The following CASQ1 variants were observed in gnomAD, a reference collection of about 807,000 sequenced individuals.
CASQ1 encodes calsequestrin 1, also known as calsequestrin-1.
A neutral mutation model predicts 49.5 loss-of-function variants in CASQ1; 40 were observed. The observed-to-expected ratio is 0.81, with a 90% CI of 0.63 to 1.05. The LOEUF (loss-of-function observed/expected upper bound fraction) is 1.05, where lower values mean the gene tolerates loss of function less well. CASQ1 is among the 50% of genes least tolerant of loss of function. The pLI is 0.00. For missense variants in CASQ1, 469 were observed against 486.9 expected (o/e 0.96, Z 0.35); for synonymous variants, 174 against 187.2 (o/e 0.93, Z 0.58).
chr1:160,197,943 C>T (rs1654281932), intron 7 of CASQ1, among the ~76,000 whole-genome samples: 1 of 151,938 alleles, frequency 6.6e-6, no homozygotes, highest in African/African-American at 2.4e-5. Context: ...GGCTTGAACC[C>T]AGGAGGCGGA....
chr1:160,198,960 C>T lies in CASQ1; in HGVS notation c.891C>T (p.Phe297=), dbSNP rs140980273. The T allele has an allele frequency of 2.4e-5, 39 of 1,606,368 alleles. No individual in the cohort carries two copies. The highest frequency in any genetic ancestry group is 1.3e-4 in the African/African-American group (10 of 74,752). Reference sequence around the variant, plus strand: ...ACTTGTGTTCCCTCCAAGATGGTTTCGAGTTCTTAGAGACTCTCAAGGCTG... The same window carrying T: ...ACTTGTGTTCCCTCCAAGATGGTTTTGAGTTCTTAGAGACTCTCAAGGCTG... ...AFAEEADPDG[F]EFLETLKAVA... is the part of the protein sequence containing the mutation. Residue 297 remains phenylalanine (F), a synonymous_variant, in exon 9 of 11, where the codon TTC becomes TTT. Coordinates refer to ENST00000368078, the MANE Select transcript of CASQ1 (RefSeq NM_001231.5).
chr1:160,201,486 A>T lies in CASQ1; in HGVS notation c.*110A>T. ...GAGACTAGGTTATTCTCTGCCATAG[A>T]GCTAACTGGGGTCTATATGCTGGGT... is the stretch of plus-strand genomic sequence containing the variant. On this transcript the variant is annotated 3_prime_UTR_variant, in exon 11 of 11. Transcript: ENST00000368078. 1 of 1,201,634 alleles carries T rather than the reference A, an allele frequency of 8.3e-7. No homozygotes were observed. The highest frequency in any genetic ancestry group is 1.2e-6 in the Non-Finnish European group (1 of 843,786). The allele number at this position is 1,201,634 out of a possible 1,614,324, so 74.4% of individuals were successfully genotyped here. A position where few individuals can be genotyped will look rare whatever the true frequency, so the allele number is the denominator to read the frequency against.
At chr1:160,192,716 A>G (rs1001971577) in intron 1 of CASQ1, 86 bp from the exon 2 acceptor site, 1 of 1,184,198 alleles carries the variant, frequency 8.4e-7, no homozygotes, top group African/African-American at 1.5e-5. Flanking sequence ...CCGCACCTCA[A>G]CTGACCCAAC....
At chr1:160,197,285 G>A (rs189632970) in intron 6 of CASQ1, among the ~76,000 whole-genome samples, 209 of 152,356 alleles carry the variant, frequency 1.4e-3, no homozygotes, top group African/African-American at 4.8e-3. Context: ...TAGTGAGTGA[G>A]TGAATGAATG....
At position 160,199,884 on chromosome 1, in the gene CASQ1, G is replaced by A. The variant is rs749145120; in HGVS notation, c.1018G>A (p.Asp340Asn). The A allele has an allele frequency of 2.4e-5, 39 of 1,613,486 alleles. No homozygotes were observed. The highest frequency in any genetic ancestry group is 1.3e-4 in the Admixed American group (8 of 59,996). ...ATACTGGGAGAAGACGTTTGACATC[G>A]ACTTGTCAGCCCCACAAATAGGAGT... is the stretch of plus-strand genomic sequence containing the variant. ...VPYWEKTFDIDLSAPQIGVVN... is the reference protein window; with the variant it reads ...VPYWEKTFDINLSAPQIGVVN... Residue 340 changes from aspartate (D) to asparagine (N), a missense_variant, in exon 10 of 11, where the codon GAC becomes AAC. Transcript: ENST00000368078.
chr1:160,199,758 C>A, intron 9 of CASQ1, 93 bp from the exon 10 acceptor site: 1 of 851,054 alleles, frequency 1.2e-6, no homozygotes, highest in Non-Finnish European at 2.0e-6. Flanking sequence ...GCACTGTCCC[C>A]TCTCCATCCC....
chr1:160,201,600 T>G lies in CASQ1; in HGVS notation c.*224T>G. ...AGCTCTCTCTTATCTGACTTCTGTT[T>G]CTTATCCCATAACTTACTTGTATCT... On this transcript the variant is annotated 3_prime_UTR_variant, in exon 11 of 11. Coordinates refer to ENST00000368078, the MANE Select transcript of CASQ1 (RefSeq NM_001231.5). 1.7e-6 allele frequency: 1 copy of G among 584,274 alleles called. No individual in the cohort carries two copies. The highest frequency in any genetic ancestry group is 3.1e-6 in the Non-Finnish European group (1 of 326,798). 36.2% of individuals were successfully genotyped at this position (584,274 alleles called of 1,614,324 possible). A position where few individuals can be genotyped will look rare whatever the true frequency, so the allele number is the denominator to read the frequency against.
At chr1:160,192,593 G>A (rs576180479) in intron 1 of CASQ1, 1 of 569,492 alleles carries the variant, frequency 1.8e-6, no homozygotes, top group Non-Finnish European at 3.2e-6. Context: ...CATTGCAAAT[G>A]AGCAATCAAT....
chr1:160,195,973 C>T lies in CASQ1; in HGVS notation c.728C>T (p.Pro243Leu), dbSNP rs952529350. ...TTCATGGAAGAGCCTGTGACCATCCCAGACAAGCCCAATAGCGAAGAGGAG... is the reference window on the plus strand; with the variant it reads ...TTCATGGAAGAGCCTGTGACCATCCTAGACAAGCCCAATAGCGAAGAGGAG... ...EAFMEEPVTIPDKPNSEEEIV... is the reference protein window; with the variant it reads ...EAFMEEPVTILDKPNSEEEIV... The change falls in exon 6 of 11, where the codon CCA becomes CTA. Residue 243 changes from proline (P) to leucine (L), a missense_variant. Pro to Leu is a moderately conservative substitution (Grantham distance 98). Coordinates refer to ENST00000368078, the MANE Select transcript of CASQ1 (RefSeq NM_001231.5). The T allele has an allele frequency of 1.9e-6, 3 of 1,613,954 alleles. No individual in the cohort carries two copies. In the African/African-American group the frequency reaches 4.0e-5, roughly 22 times the overall value.
In CASQ1 at chr1:160,193,803, G is replaced by A. The variant is rs138808242; in HGVS notation, c.421G>A (p.Asp141Asn). 4 of 1,613,100 alleles carry A rather than the reference G, an allele frequency of 2.5e-6. No homozygotes were observed. Among genetic ancestry groups the A allele is most frequent in the Non-Finnish European group, 3.4e-6 (4 of 1,179,372 alleles). ...CAAGGGAGATGAAGTCATTGAGTAC[G>A]ATGGCGAGTTTTCTGCTGACACCAT... The part of the protein sequence containing the change: ...VFKGDEVIEY[D>N]GEFSADTIVE... Residue 141 changes from aspartate to asparagine, a missense_variant, in exon 3 of 11, where the codon GAT becomes AAT. Coordinates refer to ENST00000368078, the MANE Select transcript of CASQ1 (RefSeq NM_001231.5).
Position 160,192,860 on chromosome 1 carries a change from A to G in CASQ1, c.338A>G (p.Lys113Arg), listed in dbSNP as rs2101671643. The change falls in exon 2 of 11, where the codon AAG (lysine) becomes AGG (arginine). Residue 113 changes from lysine (K) to arginine (R), a missense_variant. Transcript: ENST00000368078. ...GVGFGLVDSEKDAAVAKKLGL... is the reference protein window; with the variant it reads ...GVGFGLVDSERDAAVAKKLGL... ...GGCTTCGGGCTGGTAGACTCTGAGAAGGATGCAGCTGTGGCCAAGAAACTA... is the reference window on the plus strand; with the variant it reads ...GGCTTCGGGCTGGTAGACTCTGAGAGGGATGCAGCTGTGGCCAAGAAACTA... The G allele has an allele frequency of 6.2e-7, 1 of 1,613,204 alleles. No homozygotes were observed. Among genetic ancestry groups the G allele is most frequent in the Admixed American group, 1.7e-5 (1 of 59,972 alleles).
chr1:160,195,173 C>G, intron 4 of CASQ1, 50 bp downstream of exon 4: 1 of 1,155,364 alleles, frequency 8.7e-7, no homozygotes, highest in African/African-American at 1.5e-5. Flanking sequence ...CCCCATCTCA[C>G]CTGTCCTCCC....
At chr1:160,200,438 T>C (rs995534487) in intron 10 of CASQ1, among the ~76,000 whole-genome samples, 1 of 149,370 alleles carries the variant, frequency 6.7e-6, no homozygotes, top group Non-Finnish European at 1.5e-5. Context: ...TCTGATAAAC[T>C]TTATAATAAC....
chr1:160,197,750 G>C (rs1654276754), intron 7 of CASQ1, 136 bp downstream of exon 7: 2 of 674,242 alleles, frequency 3.0e-6, no homozygotes, highest in Non-Finnish European at 2.7e-6. Flanking sequence ...TGGGTGTGGT[G>C]GCTCATGCCT....
At chr1:160,194,720 C>T (rs1654176990) in intron 3 of CASQ1, among the ~76,000 whole-genome samples, 1 of 151,248 alleles carries the variant, frequency 6.6e-6, no homozygotes, top group South Asian at 2.1e-4. Context: ...CACATATGCA[C>T]CACATGCACA....
At chr1:160,194,593 ACACATGCACACAC>A (rs1171326759) in intron 3 of CASQ1, among the ~76,000 whole-genome samples, 8 of 145,172 alleles carry the variant, frequency 5.5e-5, no homozygotes, top group African/African-American at 1.5e-4. Context: ...CACACACTAC[ACACATGCACACAC>A]CACATGCACA....
chr1:160,191,113 A>C, intron 1 of CASQ1, 83 bp downstream of exon 1: 2 of 1,464,552 alleles, frequency 1.4e-6, no homozygotes, highest in Non-Finnish European at 9.3e-7. Context: ...TAGCTCTTTG[A>C]GGATGGGATC....
At chr1:160,194,949 A>C (rs1654183046) in intron 3 of CASQ1, 63 bp from the exon 4 acceptor site, 2 of 984,048 alleles carry the variant, frequency 2.0e-6, no homozygotes, top group Non-Finnish European at 1.5e-6. Flanking sequence ...TCTTTTCCCT[A>C]GGTCCCTTTC....
chr1:160,198,774 G>T (rs1205180374), intron 8 of CASQ1, 43 bp downstream of exon 8: 4 of 1,566,922 alleles, frequency 2.6e-6, no homozygotes, highest in Non-Finnish European at 3.5e-6. Flanking sequence ...AAGGCAGGGG[G>T]AGGTGGGTGT....
Sources: allele counts gnomAD v4.1 joint callset (sites outside exome capture counted in the v4.1 genomes callset), GRCh38; gene constraint gnomAD v4.1.1; transcripts MANE v1.5; gene names NCBI Gene and HGNC (gene_info 2026-07-23, HGNC 2026-07-21).